Variants in MRPS27 observed in about 807,000 individuals in gnomAD.
MRPS27 encodes the protein mitochondrial ribosomal protein S27.
MRPS27 carries 43 observed loss-of-function variants against 48.9 expected under a neutral mutation model. The ratio of observed to expected loss-of-function variants is 0.88; its 90% CI spans 0.69 to 1.13. The LOEUF is 1.13. Ranked by LOEUF, MRPS27 falls within the 50% of genes most tolerant of loss-of-function variation. The pLI, the probability that MRPS27 is intolerant of heterozygous loss-of-function variation, is 0.00. For synonymous variants in MRPS27, 188 were observed against 171.9 expected, an observed-to-expected ratio of 1.09 and a Z score of -0.73; for missense variants, 467 against 476.3, an observed-to-expected ratio of 0.98 and a Z score of 0.18.
At position 72,276,962 on chromosome 5, in the gene MRPS27, C is replaced by T. The variant is rs755680734; in HGVS notation, c.281+18569G>A. 2.6e-5 allele frequency among the ~76,000 whole-genome samples: 4 copies of T among 151,998 alleles called. No individual in the cohort carries two copies. In the East Asian group the frequency reaches 5.8e-4, roughly 22 times the overall value. On this transcript the variant is annotated intron_variant, in intron 4 of 10. Transcript: ENST00000261413. ...AGGAGAATTGCTTGAACCCAGGAGGCGGAGGTTGCAATGAGCTGAGATCAC... is the reference window on the plus strand; with the variant it reads ...AGGAGAATTGCTTGAACCCAGGAGGTGGAGGTTGCAATGAGCTGAGATCAC...
intron 1 of MRPS27, among the ~76,000 whole-genome samples, chr5:72,315,980 T>C (rs1212832555): frequency 1.3e-5 from 2 of 152,106 alleles, no homozygotes; most frequent in African/African-American, 4.8e-5. Flanking sequence ...AACCCAAATA[T>C]CCATCAATTG....
chr5:72,300,833 G>T (rs1750107902), intron 2 of MRPS27, among the ~76,000 whole-genome samples: 1 of 152,102 alleles, frequency 6.6e-6, no homozygotes, highest in Non-Finnish European at 1.5e-5. Context: ...AGATAAATCA[G>T]CCAATCAGGA....
intron 4 of MRPS27, among the ~76,000 whole-genome samples, chr5:72,268,025 C>A (rs1749144600): frequency 6.6e-6 from 1 of 152,084 alleles, no homozygotes; most frequent in Non-Finnish European, 1.5e-5. Context: ...ATTAAAAACT[C>A]CTCTCCCAGT....
chr5:72,311,242 G>A (rs1375275599), intron 2 of MRPS27, among the ~76,000 whole-genome samples: 1 of 152,076 alleles, frequency 6.6e-6, no homozygotes, highest in Admixed American at 6.5e-5. Context: ...CCTTATCTCA[G>A]GTAATGTACA....
Position 72,280,516 on chromosome 5 carries a change from C to T in MRPS27, c.281+15015G>A, listed in dbSNP as rs1427755591. 2.6e-5 allele frequency among the ~76,000 whole-genome samples: 4 copies of T among 152,066 alleles called. No individual in the cohort carries two copies. The South Asian group carries it at 6.2e-4, about 24-fold the overall frequency. ...CTAACCTGCAAGGCTGCACAGCAGCCCAGTTTTCTATATAAGAATCAGCTC... is the reference window on the plus strand; with the variant it reads ...CTAACCTGCAAGGCTGCACAGCAGCTCAGTTTTCTATATAAGAATCAGCTC... On this transcript the variant is annotated intron_variant, in intron 4 of 10. Transcript: ENST00000261413.
At chr5:72,261,597 G>A (rs1235468034) in intron 4 of MRPS27, among the ~76,000 whole-genome samples, 2 of 151,944 alleles carry the variant, frequency 1.3e-5, no homozygotes, top group Non-Finnish European at 2.9e-5. Context: ...AATAAAATAG[G>A]AGTAGAAAAC....
At chr5:72,243,441 A>C (rs886565705) in intron 4 of MRPS27, among the ~76,000 whole-genome samples, 1 of 152,188 alleles carries the variant, frequency 6.6e-6, no homozygotes, top group African/African-American at 2.4e-5. Context: ...TCAAATTTTG[A>C]TGAGATAATT....
intron 4 of MRPS27, among the ~76,000 whole-genome samples, chr5:72,264,095 T>C (rs1219171259): frequency 6.6e-6 from 1 of 152,146 alleles, no homozygotes; most frequent in African/African-American, 2.4e-5. Flanking sequence ...CATGTTAAAA[T>C]GTGAATGAAC....
chr5:72,296,377 T>C (rs1561359276), intron 3 of MRPS27, among the ~76,000 whole-genome samples: 1 of 152,146 alleles, frequency 6.6e-6, no homozygotes, highest in Admixed American at 6.5e-5. Flanking sequence ...TAAGGGCATA[T>C]AAAATGTGGT....
intron 10 of MRPS27, 127 bp from the exon 11 acceptor site, chr5:72,221,275 T>G (rs1747734275): frequency 3.3e-6 from 4 of 1,205,038 alleles, no homozygotes; most frequent in Admixed American, 2.4e-5. Context: ...CGTAGTTTAG[T>G]CCTCATTCTA....
At chr5:72,297,939 A>T (rs1355653352) in intron 2 of MRPS27, among the ~76,000 whole-genome samples, 1 of 152,228 alleles carries the variant, frequency 6.6e-6, no homozygotes, top group African/African-American at 2.4e-5. Flanking sequence ...GCTTTTAAAA[A>T]AATGGATCAA....
At chr5:72,306,332 A>G (rs1256831571) in intron 2 of MRPS27, among the ~76,000 whole-genome samples, 1 of 152,380 alleles carries the variant, frequency 6.6e-6, no homozygotes, top group East Asian at 1.9e-4. Flanking sequence ...GCAGAGGGGC[A>G]ATCAAATGCT....
chr5:72,263,205 C>T (rs186892064), intron 4 of MRPS27, among the ~76,000 whole-genome samples: 1 of 152,256 alleles, frequency 6.6e-6, no homozygotes, highest in East Asian at 1.9e-4. Flanking sequence ...GAACATTAGA[C>T]CATAAGACCT....
In MRPS27 at chr5:72,220,894, C is replaced by T. The variant is rs1265899854; in HGVS notation, c.*15G>A. 2 of 1,613,688 alleles carry T rather than the reference C, an allele frequency of 1.2e-6. No individual in the cohort carries two copies. Among genetic ancestry groups the T allele is most frequent in the Middle Eastern group, 1.7e-4 (1 of 6,014 alleles). On this transcript the variant is annotated 3_prime_UTR_variant, in exon 11 of 11. Coordinates refer to ENST00000261413, the MANE Select transcript of MRPS27 (RefSeq NM_015084.3). ...TGAAGTTCTTGTGAGACAGGTGGGG[C>T]CCTGGGGGACCCTATTAGGCAGATG...
intron 4 of MRPS27, among the ~76,000 whole-genome samples, chr5:72,277,969 A>C (rs2112028348): frequency 6.6e-6 from 1 of 152,264 alleles, no homozygotes; most frequent in South Asian, 2.1e-4. Flanking sequence ...TATCAGAAAA[A>C]ATAGCTAATG....
intron 4 of MRPS27, among the ~76,000 whole-genome samples, chr5:72,272,720 C>A (rs1424139165): frequency 1.3e-5 from 2 of 152,118 alleles, no homozygotes; most frequent in African/African-American, 2.4e-5. Flanking sequence ...TGCCATGGAA[C>A]CTGAAGATCG....
chr5:72,221,038 G>T lies in MRPS27; in HGVS notation c.1116C>A (p.Ile372=), dbSNP rs369816290. 2.5e-6 allele frequency: 4 copies of T among 1,614,044 alleles called. No individual in the cohort carries two copies. The highest frequency in any genetic ancestry group is 2.5e-6 in the Non-Finnish European group (3 of 1,180,038). The stretch of plus-strand genomic sequence containing the variant: ...GCTGCAGATTCTGCTCATAGGTGGC[G>T]ATGTCCTCTGCTTCACAGGTGGAGA... ...EKLSTCEAED[I]ATYEQNLQQW... Residue 372 remains isoleucine, a synonymous_variant, in exon 11 of 11, where the codon ATC becomes ATA. Coordinates refer to ENST00000261413, the MANE Select transcript of MRPS27 (RefSeq NM_015084.3).
At chr5:72,302,942 C>T (rs1272538916) in intron 2 of MRPS27, among the ~76,000 whole-genome samples, 1 of 152,234 alleles carries the variant, frequency 6.6e-6, no homozygotes, top group Non-Finnish European at 1.5e-5. Context: ...TTATAAACTA[C>T]AAGTCAGCCC....
At chr5:72,252,575 C>T (rs781682926) in intron 4 of MRPS27, among the ~76,000 whole-genome samples, 7 of 152,128 alleles carry the variant, frequency 4.6e-5, no homozygotes, top group Non-Finnish European at 8.8e-5. Context: ...AGCCTAAGAG[C>T]CCACAGTGAA....
Sources: allele counts gnomAD v4.1 joint callset (sites outside exome capture counted in the v4.1 genomes callset), GRCh38; gene constraint gnomAD v4.1.1; transcripts MANE v1.5; gene names NCBI Gene and HGNC (gene_info 2026-07-23, HGNC 2026-07-21).